PRKD1: variants seen among roughly 807,000 people sequenced by gnomAD.
PRKD1 encodes the protein protein kinase D1.
A neutral mutation model predicts 95.9 loss-of-function variants in PRKD1; 63 were observed. The observed-to-expected ratio is 0.66, with a 90% CI of 0.54 to 0.81. The LOEUF is 0.81. Ranked by LOEUF, PRKD1 falls within the 30% of genes least tolerant of loss-of-function variation. PRKD1 has a pLI of 0.00. For synonymous variants in PRKD1, 425 were observed against 423.1 expected, an observed-to-expected ratio of 1.00 and a Z score of -0.05; for missense variants, 1,048 against 1,165.3, an observed-to-expected ratio of 0.90 and a Z score of 1.47.
intron 2 of PRKD1, among the ~76,000 whole-genome samples, chr14:29,689,283 A>G (rs141037730): frequency 1.3e-5 from 2 of 152,088 alleles, no homozygotes; most frequent in East Asian, 3.9e-4. Context: ...AAAAAACATT[A>G]CAAAGTGGGA....
chr14:29,674,107 G>A (rs928000914), intron 2 of PRKD1, among the ~76,000 whole-genome samples: 1 of 152,092 alleles, frequency 6.6e-6, no homozygotes, highest in African/African-American at 2.4e-5. Context: ...TATGGGCTTT[G>A]TGGTCAGAAA....
intron 1 of PRKD1, among the ~76,000 whole-genome samples, chr14:29,830,957 T>A (rs2139294457): frequency 6.6e-6 from 1 of 152,324 alleles, no homozygotes; most frequent in African/African-American, 2.4e-5. Context: ...AGTGTTGGGT[T>A]TATAGGCATG....
chr14:29,628,209 C>T (rs1879751989), intron 11 of PRKD1, among the ~76,000 whole-genome samples: 1 of 152,104 alleles, frequency 6.6e-6, no homozygotes, highest in African/African-American at 2.4e-5. Context: ...TACTTTATGC[C>T]ACTTTAATGT....
In PRKD1 at chr14:29,681,306, T is replaced by G. The variant is rs1244474892; in HGVS notation, c.404-15098A>C. On this transcript the variant is annotated intron_variant, in intron 2 of 17. Transcript: ENST00000331968. ...AATAAAACAAAGTTTTCTTGTGTCT[T>G]TAAGTGAGCTTCCTGGCCCTTTCTG... Among the ~76,000 whole-genome samples, 4 of 152,292 alleles carry G rather than the reference T, an allele frequency of 2.6e-5. No homozygotes were observed. The East Asian group carries it at 5.8e-4, about 22-fold the overall frequency.
intron 13 of PRKD1, among the ~76,000 whole-genome samples, chr14:29,614,106 A>T (rs576948815): frequency 6.6e-6 from 1 of 152,292 alleles, no homozygotes; most frequent in South Asian, 2.1e-4. Flanking sequence ...CAATTTTCTA[A>T]AAGGAAGGCA....
At chr14:29,675,090 C>A (rs544747220) in intron 2 of PRKD1, among the ~76,000 whole-genome samples, 1 of 152,248 alleles carries the variant, frequency 6.6e-6, no homozygotes, top group Admixed American at 6.5e-5. Context: ...GGAATTGTCC[C>A]GGCTGTGGCT....
chr14:29,878,438 TCAAA>T (rs1464578549), intron 1 of PRKD1, among the ~76,000 whole-genome samples: 2 of 150,824 alleles, frequency 1.3e-5, no homozygotes, highest in East Asian at 1.9e-4. Context: ...AAACACGGAT[TCAAA>T]CAAATACTTG....
intron 1 of PRKD1, among the ~76,000 whole-genome samples, chr14:29,914,264 A>C (rs571068610): frequency 6.6e-6 from 1 of 152,368 alleles, no homozygotes; most frequent in South Asian, 2.1e-4. Context: ...TCACAATTCA[A>C]TTCAACCGCT....
At chr14:29,740,277 A>C (rs1191851409) in intron 1 of PRKD1, among the ~76,000 whole-genome samples, 2 of 152,214 alleles carry the variant, frequency 1.3e-5, no homozygotes, top group Non-Finnish European at 2.9e-5. Context: ...ATAAAGGCTA[A>C]ATGTTTATTA....
intron 1 of PRKD1, among the ~76,000 whole-genome samples, chr14:29,886,409 A>T (rs918712001): frequency 6.6e-6 from 1 of 152,216 alleles, no homozygotes; most frequent in Non-Finnish European, 1.5e-5. Flanking sequence ...TCCAGGTAGA[A>T]CATGAGAAAA....
rs932754573 is a variant in PRKD1, at chr14:29,588,034, G to T, written c.2434+9457C>A. Among the ~76,000 whole-genome samples, 7 of 152,276 alleles carry T rather than the reference G, an allele frequency of 4.6e-5. No individual in the cohort carries two copies. The East Asian group carries it at 9.6e-4, about 21-fold the overall frequency. On this transcript the variant is annotated intron_variant, in intron 16 of 17. Transcript: ENST00000331968. ...GTTATGTCTGACAGTGTGTTAATAT[G>T]TTGACAAATCAATCTATTCATTAAT...
At chr14:29,703,108 T>G (rs1367052421) in intron 2 of PRKD1, among the ~76,000 whole-genome samples, 1 of 152,186 alleles carries the variant, frequency 6.6e-6, no homozygotes, top group Non-Finnish European at 1.5e-5. Flanking sequence ...TTGACCATTC[T>G]TTGTCTATGC....
At position 29,716,303 on chromosome 14, in the gene PRKD1, A is replaced by G. The variant is rs76956522; in HGVS notation, c.403+9233T>C. Among the ~76,000 whole-genome samples, 529 of 152,282 alleles carry G rather than the reference A, an allele frequency of 3.5e-3. 4 individuals carry two copies. Among genetic ancestry groups the G allele is most frequent in the African/African-American group, 0.012 (506 of 41,578 alleles). On this transcript the variant is annotated intron_variant, in intron 2 of 17. Coordinates refer to ENST00000331968, the MANE Select transcript of PRKD1 (RefSeq NM_002742.3). Reference sequence around the variant, plus strand: ...TTCTGTGTGAAGAGAGAAGCTTGATATGTCCTTCCATGAAAACCACGGTAT... The same window carrying G: ...TTCTGTGTGAAGAGAGAAGCTTGATGTGTCCTTCCATGAAAACCACGGTAT...
At chr14:29,903,985 C>T (rs982181219) in intron 1 of PRKD1, among the ~76,000 whole-genome samples, 2 of 151,964 alleles carry the variant, frequency 1.3e-5, no homozygotes, top group African/African-American at 2.4e-5. Flanking sequence ...TTTACATATA[C>T]AAACACACAC....
At chr14:29,630,676 A>C in intron 10 of PRKD1, 66 bp downstream of exon 10, 4 of 1,590,818 alleles carry the variant, frequency 2.5e-6, no homozygotes, top group South Asian at 2.2e-5. Context: ...GGCAGGGCAC[A>C]TGTTTACTAA....
chr14:29,591,236 T>C (rs1260932625), intron 16 of PRKD1: 2 of 152,186 alleles, frequency 1.3e-5, no homozygotes, highest in African/African-American at 4.8e-5. Flanking sequence ...TTATTCTCAC[T>C]ATTTTCATGG....
rs778708427 is a variant in PRKD1, at chr14:29,663,767, T to C, written c.628A>G (p.Thr210Ala). 16 of 1,614,030 alleles carry C rather than the reference T, an allele frequency of 9.9e-6. No individual in the cohort carries two copies. The highest frequency in any genetic ancestry group is 2.2e-5 in the South Asian group (2 of 91,062). The change falls in exon 4 of 18, where the codon ACT (threonine) becomes GCT (alanine). Residue 210 changes from threonine (T) to alanine (A), a missense_variant. Coordinates refer to ENST00000331968, the MANE Select transcript of PRKD1 (RefSeq NM_002742.3). ...GATGTGCGGATGGTGCTGACCCCAG[T>C]GAGGGAAACGTTTGAGAGCCTTCTC... The part of the protein sequence containing the change: ...RRRRLSNVSL[T>A]GVSTIRTSSA...
chr14:29,755,805 T>C (rs1236164025), intron 1 of PRKD1, among the ~76,000 whole-genome samples: 2 of 152,190 alleles, frequency 1.3e-5, no homozygotes. Flanking sequence ...CAAGGCACTG[T>C]ATGCAGTAGC....
chr14:29,712,995 C>T (rs1885407178), intron 2 of PRKD1, among the ~76,000 whole-genome samples: 1 of 152,140 alleles, frequency 6.6e-6, no homozygotes, highest in African/African-American at 2.4e-5. Flanking sequence ...AGTAGCCATT[C>T]TCCAGTTGGC....
Sources: gnomAD v4.1 joint callset for allele counts (sites outside exome capture counted in the v4.1 genomes callset) on GRCh38, gnomAD v4.1.1 for gene constraint, MANE v1.5 for transcripts, NCBI Gene and HGNC (gene_info 2026-07-23, HGNC 2026-07-21) for gene names.